Variants in TNFSF13B observed in about 807,000 individuals in gnomAD.
TNFSF13B encodes tumor necrosis factor ligand superfamily member 13B.
A neutral mutation model predicts 29.1 loss-of-function variants in TNFSF13B; 8 were observed. The ratio of observed to expected loss-of-function variants is 0.27; its 90% CI spans 0.16 to 0.50. The LOEUF is 0.50. TNFSF13B is among the 20% of genes least tolerant of loss of function. TNFSF13B has a pLI of 0.98. For missense variants in TNFSF13B, 248 were observed against 334.9 expected, an observed-to-expected ratio of 0.74 and a Z score of 2.03; for synonymous variants, 125 against 130.8, an observed-to-expected ratio of 0.96 and a Z score of 0.30.
intron 2 of TNFSF13B, among the ~76,000 whole-genome samples, chr13:108,280,908 G>A (rs1594520251): frequency 6.6e-6 from 1 of 152,100 alleles, no homozygotes; most frequent in Admixed American, 6.5e-5. Context: ...ATTTGAGGCC[G>A]GGCGTGGTAC....
intron 3 of TNFSF13B, among the ~76,000 whole-genome samples, chr13:108,288,229 A>C (rs1031397070): frequency 6.6e-6 from 1 of 152,214 alleles, no homozygotes; most frequent in Non-Finnish European, 1.5e-5. Flanking sequence ...CCATTCGTTC[A>C]CTCACACATT....
At chr13:108,293,785 T>C (rs777542068) in intron 3 of TNFSF13B, among the ~76,000 whole-genome samples, 7 of 152,178 alleles carry the variant, frequency 4.6e-5, no homozygotes, top group Non-Finnish European at 1.0e-4. Flanking sequence ...AAATTCAAGA[T>C]TAAGGTGCCA....
intron 5 of TNFSF13B, 119 bp downstream of exon 5, chr13:108,303,723 C>T (rs1309648122): frequency 2.0e-6 from 2 of 1,022,914 alleles, no homozygotes; most frequent in South Asian, 3.3e-5. Flanking sequence ...GACAGAAAGA[C>T]ATTCCTCAAT....
chr13:108,274,366 A>AAT (rs10583801), intron 2 of TNFSF13B, among the ~76,000 whole-genome samples: 35 of 149,140 alleles, frequency 2.3e-4, no homozygotes, highest in Middle Eastern at 3.6e-3. Context: ...TACACATACA[A>AAT]ATATATATAT....
In TNFSF13B at chr13:108,307,016, C is replaced by CAAA. The variant is rs58093140; in HGVS notation, c.*107_*109dup. 70 of 76,672 alleles carry CAAA rather than the reference C, an allele frequency of 9.1e-4. No individual in the cohort carries two copies. The highest frequency in any genetic ancestry group is 1.0e-3 in the Non-Finnish European group (42 of 40,974). 4.7% of individuals were successfully genotyped at this position (76,672 alleles called of 1,614,324 possible). Reference sequence around the variant, plus strand: ...GAAGAAAGAATCTAACTGAAAATACCAAAAAAAAAAAAAAAAAAAAAAAAA... The same window carrying CAAA: ...GAAGAAAGAATCTAACTGAAAATACCAAAAAAAAAAAAAAAAAAAAAAAAAAAA... On this transcript the variant is annotated 3_prime_UTR_variant, in exon 6 of 6. Transcript: ENST00000375887.
At chr13:108,300,462 C>G (rs1277891563) in intron 3 of TNFSF13B, among the ~76,000 whole-genome samples, 1 of 152,108 alleles carries the variant, frequency 6.6e-6, no homozygotes, top group Non-Finnish European at 1.5e-5. Context: ...ACTATGAAAG[C>G]AACTGCCTTG....
intron 5 of TNFSF13B, among the ~76,000 whole-genome samples, chr13:108,306,602 G>T (rs539454047): frequency 6.6e-6 from 1 of 151,680 alleles, no homozygotes; most frequent in Admixed American, 6.6e-5. Flanking sequence ...TTAATGAGTA[G>T]GTGATAAATG....
chr13:108,278,571 C>T (rs1301401477), intron 2 of TNFSF13B, among the ~76,000 whole-genome samples: 2 of 146,810 alleles, frequency 1.4e-5, no homozygotes, highest in Non-Finnish European at 3.0e-5. Context: ...TCTTCCTACC[C>T]CCTCCTCTCC....
At chr13:108,284,161 C>G (rs1383114749) in intron 2 of TNFSF13B, among the ~76,000 whole-genome samples, 1 of 152,086 alleles carries the variant, frequency 6.6e-6, no homozygotes, top group Admixed American at 6.6e-5. Flanking sequence ...AAGCCCGTCT[C>G]TATTAAAAAT....
chr13:108,300,510 A>C (rs1292914323), intron 3 of TNFSF13B, among the ~76,000 whole-genome samples: 1 of 152,220 alleles, frequency 6.6e-6, no homozygotes, highest in African/African-American at 2.4e-5. Context: ...TAATGACAGT[A>C]ACTGTATTAA....
intron 3 of TNFSF13B, among the ~76,000 whole-genome samples, chr13:108,292,663 C>T (rs1428606635): frequency 2.0e-5 from 3 of 152,058 alleles, no homozygotes; most frequent in Non-Finnish European, 4.4e-5. Flanking sequence ...TATTTATTTG[C>T]ATTTTCCTTA....
chr13:108,277,891 A>G (rs1250211703), intron 2 of TNFSF13B, among the ~76,000 whole-genome samples: 3 of 151,916 alleles, frequency 2.0e-5, no homozygotes, highest in African/African-American at 7.3e-5. Flanking sequence ...TGTGACCTGT[A>G]TTTTGTGCTG....
At chr13:108,270,483 G>T in intron 2 of TNFSF13B, 59 bp downstream of exon 2, 1 of 1,511,020 alleles carries the variant, frequency 6.6e-7, no homozygotes, top group East Asian at 2.3e-5. Flanking sequence ...CATCCAGTCT[G>T]GGGGAGCTGG....
intron 2 of TNFSF13B, 66 bp from the exon 3 acceptor site, chr13:108,286,737 T>C: frequency 9.2e-7 from 1 of 1,083,852 alleles, no homozygotes; most frequent in Non-Finnish European, 1.4e-6. Flanking sequence ...GGTTTCTAGC[T>C]TTGTGTTCTC....
rs1188519064 is a variant in TNFSF13B, at chr13:108,278,705, T to C, written c.425-8098T>C. Among the ~76,000 whole-genome samples the C allele has an allele frequency of 5.1e-5, 7 of 138,586 alleles. No individual in the cohort carries two copies. In the East Asian group the frequency reaches 1.5e-3, roughly 30 times the overall value. The allele number at this position is 138,586 out of a possible 152,430, so 90.9% of individuals were successfully genotyped here. On this transcript the variant is annotated intron_variant, in intron 2 of 5. Transcript: ENST00000375887. ...CCTTTCCTCCTCCTCTTCCTCCTCC[T>C]CCCCTTCTCTTCCTCCTCCTCCTCC...
chr13:108,284,949 T>C (rs1455031154), intron 2 of TNFSF13B, among the ~76,000 whole-genome samples: 1 of 152,216 alleles, frequency 6.6e-6, no homozygotes, highest in Non-Finnish European at 1.5e-5. Context: ...CTGTCCTCAT[T>C]CACTACCATT....
At chr13:108,291,089 A>G (rs950048084) in intron 3 of TNFSF13B, among the ~76,000 whole-genome samples, 2 of 151,766 alleles carry the variant, frequency 1.3e-5, no homozygotes, top group African/African-American at 4.8e-5. Flanking sequence ...CTTTTCTGTT[A>G]TACCATATTG....
chr13:108,305,692 C>A (rs1881753538), intron 5 of TNFSF13B, among the ~76,000 whole-genome samples: 1 of 152,108 alleles, frequency 6.6e-6, no homozygotes, highest in Non-Finnish European at 1.5e-5. Flanking sequence ...GAAAAACTTT[C>A]TTTTGCTTGT....
At chr13:108,289,177 T>C (rs1171230503) in intron 3 of TNFSF13B, among the ~76,000 whole-genome samples, 1 of 151,724 alleles carries the variant, frequency 6.6e-6, no homozygotes, top group Non-Finnish European at 1.5e-5. Flanking sequence ...CCCCCCAAAA[T>C]GCTATAAATT....
Sources: allele counts gnomAD v4.1 joint callset (sites outside exome capture counted in the v4.1 genomes callset), GRCh38; gene constraint gnomAD v4.1.1; transcripts MANE v1.5; gene names NCBI Gene and HGNC (gene_info 2026-07-23, HGNC 2026-07-21).